The following ADAM23 variants were observed in gnomAD, a reference collection of about 807,000 sequenced individuals.
The protein encoded by ADAM23 is disintegrin and metalloproteinase domain-containing protein 23.
ADAM23 carries 33 observed loss-of-function variants against 120.1 expected under a neutral mutation model. The observed-to-expected ratio is 0.27, with a 90% CI of 0.21 to 0.37. The LOEUF is 0.37. Among genes scored for constraint, ADAM23 ranks in the 10% least tolerant of loss-of-function variants. The pLI is 1.00. For synonymous variants in ADAM23, 367 were observed against 375.2 expected (o/e 0.98, Z 0.25); for missense variants, 862 against 1,058.2 (o/e 0.81, Z 2.57).
In ADAM23 at chr2:206,444,010, C is replaced by A. The variant is rs1305479240; in HGVS notation, c.144C>A (p.Leu48=). Residue 48 remains leucine (L), a synonymous_variant, in exon 1 of 26, where the codon CTC becomes CTA. Transcript: ENST00000264377. ...PARTPPCRLL[L]VLLLLPPLAA... ...GCACGCCGCCCTGCCGCCTGCTTCT[C>A]GTCCTTCTCCTGCTGCCTCCGCTCG... The A allele has an allele frequency of 1.4e-6, 2 of 1,409,120 alleles. No individual in the cohort carries two copies. Among genetic ancestry groups the A allele is most frequent in the Non-Finnish European group, 1.9e-6 (2 of 1,077,918 alleles). The allele number at this position is 1,409,120 out of a possible 1,614,324, so 87.3% of individuals were successfully genotyped here.
intron 3 of ADAM23, among the ~76,000 whole-genome samples, chr2:206,496,308 A>C (rs988646727): frequency 6.6e-6 from 1 of 152,212 alleles, no homozygotes; most frequent in African/African-American, 2.4e-5. Flanking sequence ...TGTCTCTCAG[A>C]CCACAGTGCA....
chr2:206,591,871 TG>T (rs1367092401), intron 21 of ADAM23, among the ~76,000 whole-genome samples: 2 of 152,244 alleles, frequency 1.3e-5, no homozygotes, highest in Admixed American at 1.3e-4. Context: ...TATATTAGCA[TG>T]GTTTTAATTT....
intron 24 of ADAM23, among the ~76,000 whole-genome samples, chr2:206,598,119 C>T (rs1325200293): frequency 2.0e-5 from 3 of 152,184 alleles, no homozygotes; most frequent in African/African-American, 7.2e-5. Context: ...CTTGGATCCA[C>T]CTTCTGAAGT....
chr2:206,559,341 A>G (rs896627835), intron 10 of ADAM23, among the ~76,000 whole-genome samples: 1 of 151,980 alleles, frequency 6.6e-6, no homozygotes, highest in Admixed American at 6.5e-5. Flanking sequence ...CCAAAAATAG[A>G]GAGAGAGCAG....
intron 2 of ADAM23, among the ~76,000 whole-genome samples, chr2:206,470,378 A>G (rs767726266): frequency 7.2e-5 from 11 of 152,188 alleles, no homozygotes; most frequent in Non-Finnish European, 1.0e-4. Context: ...TCATTTGCGT[A>G]TGAAAATAGG....
chr2:206,478,078 T>C (rs1029310705), intron 2 of ADAM23, among the ~76,000 whole-genome samples: 1 of 151,828 alleles, frequency 6.6e-6, no homozygotes, highest in African/African-American at 2.4e-5. Flanking sequence ...CTATTTTAAT[T>C]GTGTCTAAGA....
At chr2:206,597,518 T>A (rs1288185427) in intron 24 of ADAM23, among the ~76,000 whole-genome samples, 1 of 152,112 alleles carries the variant, frequency 6.6e-6, no homozygotes, top group Non-Finnish European at 1.5e-5. Context: ...GGTAATCATT[T>A]TTCATTATTC....
intron 3 of ADAM23, among the ~76,000 whole-genome samples, chr2:206,498,140 GA>G (rs1366928122): frequency 2.6e-5 from 4 of 152,018 alleles, no homozygotes; most frequent in African/African-American, 9.7e-5. Flanking sequence ...CACAGAATTG[GA>G]AAAAACTACT....
chr2:206,617,861 T>C lies in ADAM23; in HGVS notation c.*234T>C, dbSNP rs1698964946. On this transcript the variant is annotated 3_prime_UTR_variant, in exon 26 of 26. Transcript: ENST00000264377. ...AAACGGGGGAGGGGGCAAAAGACCA[T>C]GCTATAAAAAGAACTGTTCCAGAAT... The C allele has an allele frequency of 2.6e-6, 2 of 778,364 alleles. No individual in the cohort carries two copies. Among genetic ancestry groups the C allele is most frequent in the South Asian group, 3.7e-5 (1 of 27,152 alleles). The allele number at this position is 778,364 out of a possible 1,614,324, so 48.2% of individuals were successfully genotyped here.
At chr2:206,517,594 A>G (rs908995548) in intron 3 of ADAM23, among the ~76,000 whole-genome samples, 5 of 152,038 alleles carry the variant, frequency 3.3e-5, no homozygotes, top group Non-Finnish European at 5.9e-5. Context: ...GGCTGGTATG[A>G]TCTCTAGCCT....
chr2:206,546,956 C>T (rs780121802), intron 6 of ADAM23, among the ~76,000 whole-genome samples: 4 of 152,154 alleles, frequency 2.6e-5, no homozygotes, highest in Admixed American at 1.3e-4. Context: ...ATTTCTCTCT[C>T]AAACTATGCT....
rs965338069 is a variant in ADAM23, at chr2:206,445,294, C to T, written c.215-13C>T. ...TTGTATTTTCTGCTCCCCCACCCCC[C>T]TACCTCCACCAGCTCCGCATTGGAA... On this transcript the variant is annotated splice_polypyrimidine_tract_variant and intron_variant, in intron 1 of 25. Transcript: ENST00000264377. 6.2e-7 allele frequency: 1 copy of T among 1,610,180 alleles called. No individual in the cohort carries two copies. Among genetic ancestry groups the T allele is most frequent in the South Asian group, 1.1e-5 (1 of 90,816 alleles).
chr2:206,468,894 G>T (rs1695596898), intron 2 of ADAM23, among the ~76,000 whole-genome samples: 1 of 152,184 alleles, frequency 6.6e-6, no homozygotes, highest in African/African-American at 2.4e-5. Context: ...TTTACCCGTG[G>T]TGGAAAGCAA....
chr2:206,558,483 G>C (rs1181787135), intron 10 of ADAM23, among the ~76,000 whole-genome samples: 4 of 152,154 alleles, frequency 2.6e-5, no homozygotes, highest in African/African-American at 9.7e-5. Flanking sequence ...TTATGTACCT[G>C]GTGGGCACAG....
chr2:206,492,063 C>G (rs974909399), intron 3 of ADAM23, among the ~76,000 whole-genome samples: 2 of 152,192 alleles, frequency 1.3e-5, no homozygotes, highest in African/African-American at 4.8e-5. Flanking sequence ...AAGTCCTTCC[C>G]TCATGAAGCT....
At chr2:206,445,224 G>C in intron 1 of ADAM23, 83 bp from the exon 2 acceptor site, 1 of 971,892 alleles carries the variant, frequency 1.0e-6, no homozygotes, top group Non-Finnish European at 1.6e-6. Flanking sequence ...ATGCATTTTA[G>C]TGCTTATGTA....
chr2:206,511,143 T>C (rs1343157757), intron 3 of ADAM23, among the ~76,000 whole-genome samples: 1 of 152,152 alleles, frequency 6.6e-6, no homozygotes, highest in Non-Finnish European at 1.5e-5. Context: ...GTTGCACCCT[T>C]GTACTATTTA....
chr2:206,573,627 A>AG (rs1467258210), intron 18 of ADAM23, among the ~76,000 whole-genome samples: 1 of 151,948 alleles, frequency 6.6e-6, no homozygotes, highest in East Asian at 1.9e-4. Context: ...TTAACAGTAA[A>AG]AAAAAAAAAA....
chr2:206,556,583 A>C (rs1038413181), intron 9 of ADAM23, among the ~76,000 whole-genome samples: 2 of 152,196 alleles, frequency 1.3e-5, no homozygotes, highest in East Asian at 3.8e-4. Flanking sequence ...CCAGTTTTCA[A>C]ATGTCCTCTT....
Sources: allele counts gnomAD v4.1 joint callset (sites outside exome capture counted in the v4.1 genomes callset), GRCh38; gene constraint gnomAD v4.1.1; transcripts MANE v1.5; gene names NCBI Gene and HGNC (gene_info 2026-07-23, HGNC 2026-07-21).